Variants in WDR27 observed in about 807,000 individuals in gnomAD.
WDR27 encodes the protein WD repeat domain 27.
Under a neutral mutation model 114.4 loss-of-function variants are expected in WDR27, and 100 were observed. The ratio of observed to expected loss-of-function variants is 0.87; its 90% CI spans 0.74 to 1.03. The LOEUF (loss-of-function observed/expected upper bound fraction) is 1.03, where lower values mean the gene tolerates loss of function less well. Among genes scored for constraint, WDR27 ranks in the 50% least tolerant of loss-of-function variants. The pLI is 0.00. For missense variants in WDR27, 1,129 were observed against 1,092.9 expected, an observed-to-expected ratio of 1.03 and a Z score of -0.47; for synonymous variants, 449 against 423.1, an observed-to-expected ratio of 1.06 and a Z score of -0.75.
intron 25 of WDR27, among the ~76,000 whole-genome samples, chr6:169,546,543 T>C (rs951847482): frequency 7.2e-5 from 11 of 152,140 alleles, no homozygotes; most frequent in African/African-American, 2.4e-4. Flanking sequence ...TGGCCGCAGA[T>C]TCTAAACCAC....
chr6:169,687,385 T>C (rs182354078), intron 2 of WDR27, among the ~76,000 whole-genome samples: 8 of 151,902 alleles, frequency 5.3e-5, no homozygotes, highest in Admixed American at 3.3e-4. Flanking sequence ...TTCAAATCAA[T>C]AGAAAAAAGA....
In WDR27 at chr6:169,698,283, C is replaced by T. The variant is rs951550507; in HGVS notation, c.-8+3268G>A. 1.2e-4 allele frequency among the ~76,000 whole-genome samples: 18 copies of T among 151,870 alleles called. 1 individual carries two copies. Among genetic ancestry groups the T allele is most frequent in the African/African-American group, 7.3e-5 (3 of 41,342 alleles). On this transcript the variant is annotated intron_variant, in intron 1 of 25. Coordinates refer to ENST00000448612, the MANE Select transcript of WDR27 (RefSeq NM_182552.5). Reference sequence around the variant, plus strand: ...TCAGTGTATTCGGCTTCAATGCCTACCTCTGCCTCAGTGTACTCGGCTTTA... The same window carrying T: ...TCAGTGTATTCGGCTTCAATGCCTATCTCTGCCTCAGTGTACTCGGCTTTA...
chr6:169,599,843 TTG>T (rs1304558922), intron 23 of WDR27, among the ~76,000 whole-genome samples: 3 of 152,192 alleles, frequency 2.0e-5, no homozygotes, highest in Admixed American at 2.0e-4. Flanking sequence ...GTTCTTTTAA[TTG>T]TGATGTTAGG....
At chr6:169,589,877 C>T (rs532137209) in intron 23 of WDR27, among the ~76,000 whole-genome samples, 4 of 150,976 alleles carry the variant, frequency 2.6e-5, no homozygotes, top group Non-Finnish European at 4.4e-5. Context: ...CACAGAGAAA[C>T]GAGCTGTGGC....
chr6:169,546,732 A>G (rs1797499762), intron 25 of WDR27, among the ~76,000 whole-genome samples: 1 of 152,198 alleles, frequency 6.6e-6, no homozygotes, highest in South Asian at 2.1e-4. Context: ...CCACAAAATG[A>G]GAATAATTTT....
chr6:169,680,678 A>G (rs1781281335), intron 2 of WDR27, among the ~76,000 whole-genome samples: 1 of 152,250 alleles, frequency 6.6e-6, no homozygotes, highest in South Asian at 2.1e-4. Context: ...GGTTTGTAGC[A>G]TATGCAAAAG....
chr6:169,432,198 A>G, the WDR27 span, among the ~76,000 whole-genome samples: 4 of 152,246 alleles, frequency 2.6e-5, no homozygotes, highest in Non-Finnish European at 5.9e-5. Flanking sequence ...CACTAGAAAG[A>G]CAATCGTTTT....
intron 21 of WDR27, among the ~76,000 whole-genome samples, chr6:169,629,630 TTTA>T (rs1815782127): frequency 6.6e-6 from 1 of 152,116 alleles, no homozygotes; most frequent in Non-Finnish European, 1.5e-5. Context: ...AGCAATATGT[TTTA>T]AATGTAAAAT....
At chr6:169,664,049 T>C (rs1289118157) in intron 8 of WDR27, 117 bp downstream of exon 8, 2 of 1,012,270 alleles carry the variant, frequency 2.0e-6, no homozygotes, top group South Asian at 1.8e-5. Context: ...TTGCAGCCCT[T>C]GGCTTCTCCT....
At chr6:169,647,752 C>T in intron 16 of WDR27, 21 bp downstream of exon 16, 2 of 1,552,094 alleles carry the variant, frequency 1.3e-6, no homozygotes, top group African/African-American at 1.4e-5. Context: ...TGCTACCCAG[C>T]TCCCGCAGGA....
the WDR27 span, among the ~76,000 whole-genome samples, chr6:169,445,149 G>A: frequency 6.6e-6 from 1 of 152,188 alleles, no homozygotes; most frequent in East Asian, 1.9e-4. Context: ...TGTAGGAAAA[G>A]CAAAAGCGTG....
intron 22 of WDR27, among the ~76,000 whole-genome samples, chr6:169,611,918 T>C (rs1228851100): frequency 4.0e-5 from 6 of 151,888 alleles, no homozygotes; most frequent in African/African-American, 1.2e-4. Flanking sequence ...GTGGATCACT[T>C]GAGGTCAGGA....
chr6:169,593,671 A>G (rs1806202352), intron 23 of WDR27, among the ~76,000 whole-genome samples: 1 of 152,108 alleles, frequency 6.6e-6, no homozygotes, highest in African/African-American at 2.4e-5. Flanking sequence ...AACATAGTGA[A>G]ACCCCATCTC....
At chr6:169,620,430 A>G (rs894210813) in intron 21 of WDR27, among the ~76,000 whole-genome samples, 7 of 152,216 alleles carry the variant, frequency 4.6e-5, no homozygotes. Context: ...CCTGAAACAA[A>G]TGCGTATCTC....
Position 169,491,526 on chromosome 6 carries a change from T to C in WDR27, c.2646-33892A>G, listed in dbSNP as rs569494727. Reference sequence around the variant, plus strand: ...TATAAAATATAAGAGAAGAAATAAATTGACATAGCCAGGCTTAAAAGCAAA... The same window carrying C: ...TATAAAATATAAGAGAAGAAATAAACTGACATAGCCAGGCTTAAAAGCAAA... On this transcript the variant is annotated intron_variant, in intron 25 of 25. Transcript: ENST00000448612. Among the ~76,000 whole-genome samples, 20 of 152,062 alleles carry C rather than the reference T, an allele frequency of 1.3e-4. No homozygotes were observed. The South Asian group carries it at 3.9e-3, about 30-fold the overall frequency.
chr6:169,536,998 C>A (rs1796269922), intron 25 of WDR27, among the ~76,000 whole-genome samples: 1 of 152,194 alleles, frequency 6.6e-6, no homozygotes, highest in Admixed American at 6.5e-5. Flanking sequence ...AATCCTAACC[C>A]AGAGAAATCC....
chr6:169,445,628 C>A, the WDR27 span, among the ~76,000 whole-genome samples: 1 of 152,218 alleles, frequency 6.6e-6, no homozygotes, highest in Non-Finnish European at 1.5e-5. Flanking sequence ...TGCCATGGAG[C>A]TTTCCTGTCA....
intron 25 of WDR27, among the ~76,000 whole-genome samples, chr6:169,493,217 T>C (rs1429594905): frequency 6.6e-6 from 1 of 152,006 alleles, no homozygotes; most frequent in Non-Finnish European, 1.5e-5. Flanking sequence ...CAATAAAAAG[T>C]TAGCAATACC....
intron 25 of WDR27, among the ~76,000 whole-genome samples, chr6:169,541,576 C>A (rs1796859895): frequency 6.6e-6 from 1 of 152,220 alleles, no homozygotes; most frequent in South Asian, 2.1e-4. Flanking sequence ...CCTGCAGGAA[C>A]TTGGGTGTTC....
Sources: gnomAD v4.1 joint callset for allele counts (sites outside exome capture counted in the v4.1 genomes callset) on GRCh38, gnomAD v4.1.1 for gene constraint, MANE v1.5 for transcripts, NCBI Gene and HGNC (gene_info 2026-07-23, HGNC 2026-07-21) for gene names.